PITPNM2: variants seen among roughly 807,000 people sequenced by gnomAD.
PITPNM2 encodes the protein phosphatidylinositol transfer protein membrane associated 2.
A neutral mutation model predicts 132.2 loss-of-function variants in PITPNM2; 35 were observed. That is an observed-to-expected ratio of 0.26 (90% CI 0.20 to 0.35). PITPNM2 has a LOEUF of 0.35. Ranked by LOEUF, PITPNM2 falls within the 10% of genes least tolerant of loss-of-function variation. PITPNM2 has a pLI of 1.00. For missense variants in PITPNM2, 1,332 were observed against 1,912.0 expected (o/e 0.70, Z 5.66); for synonymous variants, 738 against 799.2 (o/e 0.92, Z 1.29).
intron 2 of PITPNM2, among the ~76,000 whole-genome samples, chr12:123,110,026 T>C (rs1488031034): frequency 6.6e-6 from 1 of 152,188 alleles, no homozygotes; most frequent in Non-Finnish European, 1.5e-5. Flanking sequence ...AGTGCGACCA[T>C]GGCTTACTGC....
intron 1 of PITPNM2, among the ~76,000 whole-genome samples, chr12:123,148,309 T>C (rs755899908): frequency 2.6e-5 from 4 of 152,154 alleles, no homozygotes; most frequent in Non-Finnish European, 5.9e-5. Flanking sequence ...AATGGCTCAT[T>C]TTGGATTGAC....
chr12:123,129,825 G>C (rs1214514581), intron 1 of PITPNM2, among the ~76,000 whole-genome samples: 2 of 151,878 alleles, frequency 1.3e-5, no homozygotes, highest in African/African-American at 4.8e-5. Context: ...AGAGGAACAC[G>C]GGGAAAACAA....
At chr12:122,998,213 T>C (rs916526442) in intron 10 of PITPNM2, among the ~76,000 whole-genome samples, 1 of 152,072 alleles carries the variant, frequency 6.6e-6, no homozygotes, top group Non-Finnish European at 1.5e-5. Context: ...AAGACCAGGG[T>C]CTCCAAAAGG....
chr12:123,105,436 C>T (rs562065917), intron 2 of PITPNM2: 2 of 152,330 alleles, frequency 1.3e-5, no homozygotes, highest in South Asian at 4.1e-4. Flanking sequence ...CTATTCAACC[C>T]CCTGGCTTGA....
At chr12:123,029,941 C>T (rs1413135150) in intron 3 of PITPNM2, among the ~76,000 whole-genome samples, 1 of 146,778 alleles carries the variant, frequency 6.8e-6, no homozygotes, top group Admixed American at 6.8e-5. Context: ...AACAGACCCA[C>T]AGACCTAAAC....
intron 2 of PITPNM2, among the ~76,000 whole-genome samples, chr12:123,038,394 C>G (rs2040350031): frequency 6.6e-6 from 1 of 152,214 alleles, no homozygotes; most frequent in South Asian, 2.1e-4. Flanking sequence ...CTCACAATGC[C>G]TTTACCAGCT....
Position 122,986,075 on chromosome 12 carries a change from G to A in PITPNM2, c.4002C>T (p.Arg1334=), listed in dbSNP as rs914827047. 1.3e-5 allele frequency: 18 copies of A among 1,432,538 alleles called. No individual in the cohort carries two copies. Among genetic ancestry groups the A allele is most frequent in the Admixed American group, 3.0e-5 (1 of 33,820 alleles). The allele number at this position is 1,432,538 out of a possible 1,614,324, so 88.7% of individuals were successfully genotyped here. A position where few individuals can be genotyped will look rare whatever the true frequency, so the allele number is the denominator to read the frequency against. Residue 1334 remains arginine (R), a synonymous_variant, in exon 26 of 26, where the codon CGC becomes CGT. Coordinates refer to ENST00000320201, the MANE Select transcript of PITPNM2 (RefSeq NM_020845.3). The part of the protein sequence containing the change: ...SMSVAAGCWG[R]AMTGRLEPGA... Reference sequence around the variant, plus strand: ...CCGGCTCCAGGCGGCCAGTCATGGCGCGGCCCCAGCAGCCGGCCGCCACAC... The same window carrying A: ...CCGGCTCCAGGCGGCCAGTCATGGCACGGCCCCAGCAGCCGGCCGCCACAC...
Position 123,000,291 on chromosome 12 carries a change from C to A in PITPNM2, c.1224+487G>T. On this transcript the variant is annotated intron_variant, in intron 10 of 25. Coordinates refer to ENST00000320201, the MANE Select transcript of PITPNM2 (RefSeq NM_020845.3). This position sits in a 1 kb window ranked among gnomAD's most constrained non-coding sequence, Gnocchi z 5.4. ...GAACTCCCACAGAGAACCCCCGAAG[C>A]GGATACAGGCGCTCTACCAAGACAG... The A allele has an allele frequency of 1.6e-6, 1 of 637,288 alleles. No homozygotes were observed. The highest frequency in any genetic ancestry group is 2.6e-5 in the Admixed American group (1 of 39,030). 39.5% of individuals were successfully genotyped at this position (637,288 alleles called of 1,614,324 possible). A position where few individuals can be genotyped will look rare whatever the true frequency, so the allele number is the denominator to read the frequency against.
chr12:123,045,100 G>A (rs1288811330), intron 2 of PITPNM2, among the ~76,000 whole-genome samples: 2 of 152,188 alleles, frequency 1.3e-5, no homozygotes, highest in Non-Finnish European at 2.9e-5. Context: ...TTGTCATTCA[G>A]GGACCTTCTC....
rs1019892832 is a variant in PITPNM2 at position 123,008,857 on chromosome 12, C to G, written c.643+993G>C. Among the ~76,000 whole-genome samples, 1 of 152,218 alleles carries G rather than the reference C, an allele frequency of 6.6e-6. No homozygotes were observed. Reference sequence around the variant, plus strand: ...CCGCGTCCTTGGACCCCAATCCTTTCGGGTACACATCCACCCTTCCCTTGG... The same window carrying G: ...CCGCGTCCTTGGACCCCAATCCTTTGGGGTACACATCCACCCTTCCCTTGG... On this transcript the variant is annotated intron_variant, in intron 6 of 25. Coordinates refer to ENST00000320201, the MANE Select transcript of PITPNM2 (RefSeq NM_020845.3). The surrounding 1 kb of genome is among the most constrained non-coding windows in gnomAD (Gnocchi z 4.1).
rs75435921 is a variant in PITPNM2, at chr12:123,136,415, G to A, written c.-200+14338C>T. On this transcript the variant is annotated intron_variant, in intron 1 of 25. Coordinates refer to ENST00000320201, the MANE Select transcript of PITPNM2 (RefSeq NM_020845.3). ...TCTTGTTCTTTCTGACTCCCCCTCA[G>A]TCTCAATCCCTGTGGCCTTCAATAA... Among the ~76,000 whole-genome samples the A allele has an allele frequency of 6.1e-3, 931 of 152,222 alleles. 12 individuals are homozygous for A. Among genetic ancestry groups the A allele is most frequent in the African/African-American group, 0.022 (893 of 41,526 alleles).
At chr12:122,988,462 G>C in intron 19 of PITPNM2, 112 bp from the exon 20 acceptor site, 1 of 931,728 alleles carries the variant, frequency 1.1e-6, no homozygotes. Flanking sequence ...GGTTGTAGGG[G>C]GTGTTCTTCA....
rs767126736 is a variant in PITPNM2, at chr12:123,111,722, C to T, written c.-199-1234G>A. Among the ~76,000 whole-genome samples, 1 of 152,200 alleles carries T rather than the reference C, an allele frequency of 6.6e-6. No homozygotes were observed. The highest frequency in any genetic ancestry group is 1.5e-5 in the Non-Finnish European group (1 of 68,032). On this transcript the variant is annotated intron_variant, in intron 1 of 25. Transcript: ENST00000320201. The surrounding 1 kb of genome is among the most constrained non-coding windows in gnomAD (Gnocchi z 4.1). ...GTCCTGCCCCAGCCCCTTGTCTCCA[C>T]GGCTGCATGTACACACCCACATACA...
chr12:123,117,109 T>C lies in PITPNM2; in HGVS notation c.-199-6621A>G, dbSNP rs1485341620. Among the ~76,000 whole-genome samples the C allele has an allele frequency of 6.6e-6, 1 of 152,242 alleles. No homozygotes were observed. The highest frequency in any genetic ancestry group is 1.5e-5 in the Non-Finnish European group (1 of 68,040). ...TTTGCAGGAAGTTCTACTTCCATCATAAGACTCATGAAGACCTTTTGTATC... is the reference window on the plus strand; with the variant it reads ...TTTGCAGGAAGTTCTACTTCCATCACAAGACTCATGAAGACCTTTTGTATC... On this transcript the variant is annotated intron_variant, in intron 1 of 25. Coordinates refer to ENST00000320201, the MANE Select transcript of PITPNM2 (RefSeq NM_020845.3). This position sits in a 1 kb window ranked among gnomAD's most constrained non-coding sequence, Gnocchi z 4.7.
chr12:123,027,117 C>T (rs2039891406), intron 3 of PITPNM2, among the ~76,000 whole-genome samples: 1 of 151,942 alleles, frequency 6.6e-6, no homozygotes, highest in Non-Finnish European at 1.5e-5. Context: ...CACTGATGGC[C>T]CCCCACCTGT....
chr12:123,151,759 A>T (rs963546221), upstream of PITPNM2, among the ~76,000 whole-genome samples: 13 of 152,146 alleles, frequency 8.5e-5, no homozygotes, highest in African/African-American at 3.1e-4. Flanking sequence ...TAAAAACATG[A>T]GGTGTTTGTT....
chr12:123,043,184 G>A (rs2040550301), intron 2 of PITPNM2, among the ~76,000 whole-genome samples: 3 of 152,134 alleles, frequency 2.0e-5, no homozygotes. Flanking sequence ...CAAATGAGGA[G>A]ACTAAGGCTC....
At position 123,103,113 on chromosome 12, in the gene PITPNM2, C is replaced by A. The variant is rs542517983; in HGVS notation, c.-96+7272G>T. On this transcript the variant is annotated intron_variant, in intron 2 of 25. Coordinates refer to ENST00000320201, the MANE Select transcript of PITPNM2 (RefSeq NM_020845.3). Reference sequence around the variant, plus strand: ...TAACTGAATCATGGGTTTAAACAAACCACCTTGGTAGACACAAGGCCTCTG... The same window carrying A: ...TAACTGAATCATGGGTTTAAACAAAACACCTTGGTAGACACAAGGCCTCTG... Among the ~76,000 whole-genome samples, 207 of 152,302 alleles carry A rather than the reference C, an allele frequency of 1.4e-3. No individual in the cohort carries two copies. The Middle Eastern group carries it at 0.034, about 25-fold the overall frequency.
In PITPNM2 at chr12:123,012,634, C is replaced by T; in HGVS notation, c.394G>A (p.Glu132Lys). ...NPDVFNLSPV[E>K]KNQLTIDFID... is the part of the protein sequence containing the mutation. ...TTACCGATTGTCAGCTGGTTCTTTT[C>T]CACAGGAGAGAGGTTGAACACGTCG... Residue 132 changes from glutamate to lysine, a missense_variant, in exon 5 of 26, where the codon GAA becomes AAA. Physicochemically the swap from Glu to Lys is moderately conservative, Grantham distance 56. Coordinates refer to ENST00000320201, the MANE Select transcript of PITPNM2 (RefSeq NM_020845.3). The T allele has an allele frequency of 6.2e-7, 1 of 1,614,084 alleles. No individual in the cohort carries two copies. The highest frequency in any genetic ancestry group is 1.1e-5 in the South Asian group (1 of 91,078).
Sources: allele counts gnomAD v4.1 joint callset (sites outside exome capture counted in the v4.1 genomes callset), GRCh38; gene constraint gnomAD v4.1.1; non-coding constraint Gnocchi (gnomAD v3.1); transcripts MANE v1.5; gene names NCBI Gene and HGNC (gene_info 2026-07-23, HGNC 2026-07-21).